The following EFCAB11 variants were observed in gnomAD, a reference collection of about 807,000 sequenced individuals.
EFCAB11 encodes EF-hand calcium-binding domain-containing protein 11.
Under a neutral mutation model 23.0 loss-of-function variants are expected in EFCAB11, and 14 were observed. That is an observed-to-expected ratio of 0.61 (90% CI 0.40 to 0.95). The LOEUF is 0.95. EFCAB11 is among the 40% of genes least tolerant of loss of function. The pLI is 0.00. For missense variants in EFCAB11, 198 were observed against 195.8 expected (o/e 1.01, Z -0.07); for synonymous variants, 65 against 66.6 (o/e 0.98, Z 0.11).
In EFCAB11 at chr14:89,931,612, C is replaced by G. The variant is rs146572823; in HGVS notation, c.339G>C (p.Leu113Phe). Residue 113 changes from leucine (L) to phenylalanine (F), a missense_variant, in exon 5 of 6, where the codon TTG becomes TTC. Leu to Phe is a conservative substitution (Grantham distance 22). Transcript: ENST00000316738. ...FDTYYRGFLT[L>F]EDFKKAFRQV... ...GCCTAAATGCTTTTTTGAAATCTTC[C>G]AAAGTTAAAAATCCACGATCTATTT... The G allele has an allele frequency of 2.4e-5, 39 of 1,613,798 alleles. No individual in the cohort carries two copies. Among genetic ancestry groups the G allele is most frequent in the Admixed American group, 5.0e-5 (3 of 59,966 alleles).
rs905076603 is a variant in EFCAB11 at position 89,937,072 on chromosome 14, TCC to T, written c.218-4447_218-4446del. 2.0e-3 allele frequency among the ~76,000 whole-genome samples: 307 copies of T among 152,352 alleles called. 3 individuals are homozygous for T. Among genetic ancestry groups the T allele is most frequent in the African/African-American group, 6.3e-3 (263 of 41,580 alleles). ...TCCACTACTAATAGTTACCTAAACA[TCC>T]TTTACCGTGGTTACAAATTAGCATC... On this transcript the variant is annotated intron_variant, in intron 3 of 5. Coordinates refer to ENST00000316738, the MANE Select transcript of EFCAB11 (RefSeq NM_145231.4).
intron 5 of EFCAB11, among the ~76,000 whole-genome samples, chr14:89,871,878 G>A (rs1182026178): frequency 6.6e-6 from 1 of 152,194 alleles, no homozygotes; most frequent in African/African-American, 2.4e-5. Context: ...AAAAGGTGGG[G>A]AAGAGCTGCA....
intron 3 of EFCAB11, among the ~76,000 whole-genome samples, chr14:89,945,101 C>T (rs1459946929): frequency 6.6e-6 from 1 of 150,990 alleles, no homozygotes; most frequent in African/African-American, 2.4e-5. Flanking sequence ...TTAGTAATCC[C>T]TGCTCTCTTT....
At chr14:89,868,923 T>C (rs1888182192) in intron 5 of EFCAB11, among the ~76,000 whole-genome samples, 1 of 152,154 alleles carries the variant, frequency 6.6e-6, no homozygotes, top group South Asian at 2.1e-4. Context: ...CATCCTAGTA[T>C]GTTAAAGAAA....
intron 5 of EFCAB11, among the ~76,000 whole-genome samples, chr14:89,812,573 C>T (rs1886182884): frequency 1.3e-5 from 2 of 152,092 alleles, no homozygotes; most frequent in South Asian, 4.1e-4. Context: ...AGGTGTGTCC[C>T]TGGAGTAAGA....
At position 89,797,177 on chromosome 14, in the gene EFCAB11, G is replaced by A. The variant is rs899890403; in HGVS notation, c.*66C>T. The A allele has an allele frequency of 5.3e-5, 76 of 1,422,574 alleles. 1 individual carries two copies. The highest frequency in any genetic ancestry group is 6.2e-5 in the Non-Finnish European group (63 of 1,021,324). 88.1% of individuals were successfully genotyped at this position (1,422,574 alleles called of 1,614,324 possible). ...AGTCTGTAGCATGACATCATTAGTA[G>A]AGTCGAGTCTGCTGACATTACAATC... On this transcript the variant is annotated 3_prime_UTR_variant, in exon 6 of 6. Coordinates refer to ENST00000316738, the MANE Select transcript of EFCAB11 (RefSeq NM_145231.4).
At chr14:89,950,537 ATGAT>A (rs1891132688) in intron 2 of EFCAB11, among the ~76,000 whole-genome samples, 1 of 152,268 alleles carries the variant, frequency 6.6e-6, no homozygotes, top group African/African-American at 2.4e-5. Flanking sequence ...AAAGTATCAC[ATGAT>A]TGATGTAGAA....
At chr14:89,831,765 T>C (rs1036784644) in intron 5 of EFCAB11, among the ~76,000 whole-genome samples, 2 of 152,242 alleles carry the variant, frequency 1.3e-5, no homozygotes, top group African/African-American at 2.4e-5. Context: ...TAACAAAGAT[T>C]GAAAGGATTG....
intron 5 of EFCAB11, among the ~76,000 whole-genome samples, chr14:89,870,615 G>A (rs1888236031): frequency 6.6e-6 from 1 of 152,024 alleles, no homozygotes. Context: ...CACCCCCAAT[G>A]TCAGAACTAG....
chr14:89,950,260 C>A, intron 2 of EFCAB11, 118 bp from the exon 3 acceptor site: 1 of 1,031,916 alleles, frequency 9.7e-7, no homozygotes, highest in Non-Finnish European at 1.4e-6. Context: ...TCTGTTGAAC[C>A]AAGCAGACAA....
chr14:89,897,416 C>A (rs1889203045), intron 5 of EFCAB11, among the ~76,000 whole-genome samples: 1 of 151,990 alleles, frequency 6.6e-6, no homozygotes, highest in South Asian at 2.1e-4. Context: ...ACTGTGTTAG[C>A]CAGATGGTCT....
At chr14:89,877,761 A>C (rs1002190536) in intron 5 of EFCAB11, among the ~76,000 whole-genome samples, 1 of 152,208 alleles carries the variant, frequency 6.6e-6, no homozygotes, top group African/African-American at 2.4e-5. Flanking sequence ...ACTCAGCTTT[A>C]GCAATGGGTA....
In EFCAB11 at chr14:89,917,545, C is replaced by T. The variant is rs866078157; in HGVS notation, c.410+13996G>A. Reference sequence around the variant, plus strand: ...ATCTCGGCTATTGTGAATAATGCTGCAATTAACATGGGAGTGCAGACATTT... The same window carrying T: ...ATCTCGGCTATTGTGAATAATGCTGTAATTAACATGGGAGTGCAGACATTT... On this transcript the variant is annotated intron_variant, in intron 5 of 5. Coordinates refer to ENST00000316738, the MANE Select transcript of EFCAB11 (RefSeq NM_145231.4). Among the ~76,000 whole-genome samples the T allele has an allele frequency of 1.1e-4, 17 of 152,264 alleles. No individual in the cohort carries two copies. In the Middle Eastern group the frequency reaches 0.01, roughly 91 times the overall value.
intron 5 of EFCAB11, among the ~76,000 whole-genome samples, chr14:89,812,689 T>C (rs192239578): frequency 6.3e-4 from 96 of 152,292 alleles, no homozygotes; most frequent in African/African-American, 2.2e-3. Flanking sequence ...TAAATGGGGA[T>C]TACTTAACAA....
At chr14:89,837,357 C>G (rs1182375794) in intron 5 of EFCAB11, among the ~76,000 whole-genome samples, 1 of 151,998 alleles carries the variant, frequency 6.6e-6, no homozygotes, top group Non-Finnish European at 1.5e-5. Context: ...TGGGATATTT[C>G]TTTCCTGTAG....
chr14:89,922,387 T>G (rs1391208056), intron 5 of EFCAB11, among the ~76,000 whole-genome samples: 1 of 152,242 alleles, frequency 6.6e-6, no homozygotes, highest in Non-Finnish European at 1.5e-5. Context: ...CCATTCTCCA[T>G]GATAGATGAC....
rs754329487 is a variant in EFCAB11, at chr14:89,808,352, T to C, written c.411-11028A>G. ...GTGTTAGCAAATACTCACCAGTAAG[T>C]GAGTAATTTACTGTATAGATCTTGG... On this transcript the variant is annotated intron_variant, in intron 5 of 5. Transcript: ENST00000316738. 8.6e-4 allele frequency among the ~76,000 whole-genome samples: 131 copies of C among 152,200 alleles called. 12 individuals carry two copies. The highest frequency in any genetic ancestry group is 2.9e-5 in the Non-Finnish European group (2 of 68,038).
chr14:89,818,566 T>A (rs980159226), intron 5 of EFCAB11, among the ~76,000 whole-genome samples: 1 of 152,204 alleles, frequency 6.6e-6, no homozygotes, highest in African/African-American at 2.4e-5. Flanking sequence ...TTTTAAAAAT[T>A]TCTGCTCTTC....
rs148980467 is a variant in EFCAB11, at chr14:89,935,391, A to T, written c.218-2764T>A. Among the ~76,000 whole-genome samples the T allele has an allele frequency of 1.3e-3, 181 of 134,906 alleles. No individual in the cohort carries two copies. In the East Asian group the frequency reaches 0.014, roughly 11 times the overall value. 88.5% of individuals were successfully genotyped at this position (134,906 alleles called of 152,430 possible). ...TTTTTAGCAAAAAGCATTAAAATGC[A>T]TGTGGGTTTTTTTTTTTTTTTTTTC... On this transcript the variant is annotated intron_variant, in intron 3 of 5. Coordinates refer to ENST00000316738, the MANE Select transcript of EFCAB11 (RefSeq NM_145231.4).
Sources: allele counts gnomAD v4.1 joint callset (sites outside exome capture counted in the v4.1 genomes callset), GRCh38; gene constraint gnomAD v4.1.1; transcripts MANE v1.5; gene names NCBI Gene and HGNC (gene_info 2026-07-23, HGNC 2026-07-21).